SLC24A2: variants seen among roughly 807,000 people sequenced by gnomAD.
The protein encoded by SLC24A2 is sodium/potassium/calcium exchanger 2.
Under a neutral mutation model 62.0 loss-of-function variants are expected in SLC24A2, and 36 were observed. The ratio of observed to expected loss-of-function variants is 0.58; its 90% CI spans 0.44 to 0.77. The LOEUF (loss-of-function observed/expected upper bound fraction) is 0.77. SLC24A2 is among the 30% of genes least tolerant of loss of function. SLC24A2 has a pLI of 0.00. For missense variants in SLC24A2, 846 were observed against 817.9 expected (o/e 1.03, Z -0.42); for synonymous variants, 358 against 294.0 (o/e 1.22, Z -2.23).
the SLC24A2 span, among the ~76,000 whole-genome samples, chr9:20,290,840 G>C: frequency 6.6e-6 from 1 of 152,200 alleles, no homozygotes; most frequent in African/African-American, 2.4e-5. Context: ...AGTCCTCAGA[G>C]GCCATTGCAA....
chr9:20,047,180 C>T, the SLC24A2 span, among the ~76,000 whole-genome samples: 10 of 152,252 alleles, frequency 6.6e-5, no homozygotes, highest in East Asian at 7.7e-4. Context: ...CCCAAGGGAA[C>T]GGGCAACAGG....
intron 2 of SLC24A2, among the ~76,000 whole-genome samples, chr9:19,660,832 C>A (rs528380957): frequency 2.0e-5 from 3 of 152,302 alleles, no homozygotes; most frequent in Admixed American, 6.5e-5. Context: ...TCTTATTTAA[C>A]CCTCATGAAA....
At chr9:20,295,537 G>A in the SLC24A2 span, among the ~76,000 whole-genome samples, 1 of 152,188 alleles carries the variant, frequency 6.6e-6, no homozygotes, top group African/African-American at 2.4e-5. Context: ...GAGTGTGAAT[G>A]AACTAGGCAG....
At chr9:19,537,077 A>G (rs1485079327) in intron 8 of SLC24A2, among the ~76,000 whole-genome samples, 2 of 151,156 alleles carry the variant, frequency 1.3e-5, no homozygotes, top group Admixed American at 1.3e-4. Context: ...AATTTGTTTG[A>G]GTTCACTGTA....
chr9:19,561,092 A>AT (rs956790773), intron 7 of SLC24A2, among the ~76,000 whole-genome samples: 65 of 147,928 alleles, frequency 4.4e-4, no homozygotes, highest in South Asian at 1.5e-3. Context: ...CACCTGGCTA[A>AT]TTTTTTTTTG....
chr9:19,865,411 A>G, the SLC24A2 span, among the ~76,000 whole-genome samples: 1 of 152,184 alleles, frequency 6.6e-6, no homozygotes, highest in Non-Finnish European at 1.5e-5. Flanking sequence ...GTCCTAAGCA[A>G]AAAGGAAAAA....
At chr9:20,035,157 A>G in the SLC24A2 span, among the ~76,000 whole-genome samples, 3 of 152,174 alleles carry the variant, frequency 2.0e-5, no homozygotes, top group African/African-American at 7.2e-5. Context: ...TACTGACATT[A>G]GGAAAACCAT....
the SLC24A2 span, among the ~76,000 whole-genome samples, chr9:20,096,629 A>G: frequency 1.3e-5 from 2 of 152,160 alleles, no homozygotes; most frequent in African/African-American, 2.4e-5. Flanking sequence ...TGCTCATTCC[A>G]AATAATTTCC....
the SLC24A2 span, among the ~76,000 whole-genome samples, chr9:20,055,939 TTC>T: frequency 1.3e-5 from 2 of 151,902 alleles, no homozygotes; most frequent in Non-Finnish European, 2.9e-5. Flanking sequence ...AGCTCCAAAG[TTC>T]ATGTTCTTAC....
chr9:20,110,175 C>G, the SLC24A2 span, among the ~76,000 whole-genome samples: 1 of 152,046 alleles, frequency 6.6e-6, no homozygotes. Context: ...TAAAAATGAG[C>G]CCTCTGGATA....
At chr9:19,964,113 G>C in the SLC24A2 span, among the ~76,000 whole-genome samples, 1 of 150,770 alleles carries the variant, frequency 6.6e-6, no homozygotes, top group Non-Finnish European at 1.5e-5. Context: ...GTAAACTATC[G>C]CAAGGACAAA....
At chr9:19,922,731 G>GA in the SLC24A2 span, among the ~76,000 whole-genome samples, 85 of 152,020 alleles carry the variant, frequency 5.6e-4, no homozygotes, top group African/African-American at 2.0e-3. Flanking sequence ...GCGCTGAAAG[G>GA]AAAAAAATCC....
chr9:19,974,107 C>T, the SLC24A2 span, among the ~76,000 whole-genome samples: 1 of 152,088 alleles, frequency 6.6e-6, no homozygotes, highest in Non-Finnish European at 1.5e-5. Context: ...ATATGATAAG[C>T]ACTGAATAAA....
chr9:19,583,915 G>T (rs1001080116), intron 5 of SLC24A2, among the ~76,000 whole-genome samples: 13 of 152,012 alleles, frequency 8.6e-5, no homozygotes, highest in Non-Finnish European at 1.8e-4. Context: ...TTTTTATTAA[G>T]CTGCCCCTCA....
chr9:20,263,671 A>G, the SLC24A2 span, among the ~76,000 whole-genome samples: 4 of 152,200 alleles, frequency 2.6e-5, no homozygotes, highest in Non-Finnish European at 5.9e-5. Flanking sequence ...ACATGTTTAC[A>G]TGAATGATGC....
chr9:20,057,472 C>G, the SLC24A2 span, among the ~76,000 whole-genome samples: 1 of 152,146 alleles, frequency 6.6e-6, no homozygotes, highest in Non-Finnish European at 1.5e-5. Context: ...TGTGAGATGG[C>G]TGGTCAGAGT....
At chr9:19,645,044 C>T (rs923751437) in intron 2 of SLC24A2, among the ~76,000 whole-genome samples, 1 of 152,082 alleles carries the variant, frequency 6.6e-6, no homozygotes. Flanking sequence ...ACACTCTGTT[C>T]TTTCTATTTT....
chr9:19,564,650 C>G (rs1835575572), intron 7 of SLC24A2, among the ~76,000 whole-genome samples: 1 of 152,094 alleles, frequency 6.6e-6, no homozygotes, highest in Non-Finnish European at 1.5e-5. Context: ...AGGGACAATT[C>G]TGATTTCCCT....
chr9:19,741,843 C>T (rs926348412), intron 2 of SLC24A2, among the ~76,000 whole-genome samples: 1 of 152,036 alleles, frequency 6.6e-6, no homozygotes, highest in African/African-American at 2.4e-5. Flanking sequence ...GCTTCTTATC[C>T]CCACCCCATG....
Sources: gnomAD v4.1 joint callset for allele counts (sites outside exome capture counted in the v4.1 genomes callset) on GRCh38, gnomAD v4.1.1 for gene constraint, MANE v1.5 for transcripts, NCBI Gene and HGNC (gene_info 2026-07-23, HGNC 2026-07-21) for gene names.